The following TJP1 variants were observed in gnomAD, a reference collection of about 807,000 sequenced individuals.
TJP1 encodes tight junction protein 1.
Under a neutral mutation model 194.2 loss-of-function variants are expected in TJP1, and 43 were observed. That is an observed-to-expected ratio of 0.22 (90% CI 0.17 to 0.29). TJP1 has a LOEUF of 0.29. Among genes scored for constraint, TJP1 ranks in the 10% least tolerant of loss-of-function variants. TJP1 has a pLI of 1.00. For missense variants in TJP1, 1,971 were observed against 2,185.7 expected, an observed-to-expected ratio of 0.90 and a Z score of 1.96; for synonymous variants, 801 against 779.0, an observed-to-expected ratio of 1.03 and a Z score of -0.47.
intron 2 of TJP1, among the ~76,000 whole-genome samples, chr15:29,906,246 G>C (rs1219616479): frequency 6.6e-6 from 1 of 152,080 alleles, no homozygotes; most frequent in East Asian, 1.9e-4. Context: ...GCCGAGGTGG[G>C]TGGATCACTT....
chr15:29,923,882 C>T (rs1228744247), intron 2 of TJP1, among the ~76,000 whole-genome samples: 1 of 152,182 alleles, frequency 6.6e-6, no homozygotes, highest in Non-Finnish European at 1.5e-5. Flanking sequence ...ACCCCTGCCA[C>T]CTGAGTACCC....
At chr15:29,949,739 A>ACCACCACCT (rs1272059089) in intron 2 of TJP1, among the ~76,000 whole-genome samples, 3 of 100,490 alleles carry the variant, frequency 3.0e-5, no homozygotes, top group Non-Finnish European at 6.2e-5. Context: ...CACCTCCACC[A>ACCACCACCT]CCACCACCTC....
intron 2 of TJP1, among the ~76,000 whole-genome samples, chr15:29,780,282 A>G (rs939513853): frequency 1.3e-5 from 2 of 152,064 alleles, no homozygotes; most frequent in Non-Finnish European, 2.9e-5. Context: ...TTTTCCTGCA[A>G]CTAGATGGTC....
chr15:29,885,558 C>G (rs1716930282), intron 2 of TJP1, among the ~76,000 whole-genome samples: 1 of 152,232 alleles, frequency 6.6e-6, no homozygotes, highest in Non-Finnish European at 1.5e-5. Context: ...AACTGCCCTG[C>G]TAAGCTTTAA....
intron 23 of TJP1, among the ~76,000 whole-genome samples, chr15:29,714,749 G>C (rs2042456748): frequency 6.6e-6 from 1 of 151,152 alleles, no homozygotes; most frequent in South Asian, 2.1e-4. Flanking sequence ...CATCGTGTTA[G>C]CCAGGATGGT....
intron 24 of TJP1, among the ~76,000 whole-genome samples, chr15:29,709,713 C>A (rs1041322661): frequency 6.6e-6 from 1 of 152,186 alleles, no homozygotes. Flanking sequence ...AGGACATCTA[C>A]GAAAATCCTA....
chr15:29,833,857 GTATATATA>G (rs71416436), intron 2 of TJP1, among the ~76,000 whole-genome samples: 1,992 of 25,866 alleles, frequency 0.077, 206 homozygotes, highest in Middle Eastern at 0.16. Context: ...ATTTTTGTAA[GTATATATA>G]TATATATATA....
intron 2 of TJP1, among the ~76,000 whole-genome samples, chr15:29,940,968 G>A (rs1311976348): frequency 6.6e-6 from 1 of 152,058 alleles, no homozygotes; most frequent in Admixed American, 6.6e-5. Flanking sequence ...GATGGGGGAG[G>A]AAGAGAGCTG....
At position 29,800,534 on chromosome 15, in the gene TJP1, G is replaced by T. The variant is rs575388321; in HGVS notation, c.84+112C>A. On this transcript the variant is annotated intron_variant, in intron 2 of 27. Coordinates refer to ENST00000614355, the MANE Select transcript of TJP1 (RefSeq NM_001330239.4). ...CTCTAATTTTAAACAAAAGAATATA[G>T]AAAAAGTTTCCTCCTCCCTCTGGCT... is the stretch of plus-strand genomic sequence containing the variant. The T allele has an allele frequency of 6.2e-6, 6 of 974,564 alleles. No individual in the cohort carries two copies. The South Asian group carries it at 9.6e-5, about 16-fold the overall frequency. 60.4% of individuals were successfully genotyped at this position (974,564 alleles called of 1,614,324 possible).
intron 2 of TJP1, among the ~76,000 whole-genome samples, chr15:29,787,452 C>T (rs2047770255): frequency 6.6e-6 from 1 of 152,132 alleles, no homozygotes; most frequent in South Asian, 2.1e-4. Context: ...ACATTGGACC[C>T]CATCAAAATT....
chr15:29,742,249 TC>T (rs1436308501), intron 9 of TJP1, among the ~76,000 whole-genome samples: 1 of 150,250 alleles, frequency 6.7e-6, no homozygotes, highest in African/African-American at 2.5e-5. Flanking sequence ...AGACTCTGTC[TC>T]AAAAAAAAAA....
rs1351960099 is a variant in TJP1 at position 29,732,724 on chromosome 15, A to G, written c.1828T>C (p.Ser610Pro). The G allele has an allele frequency of 1.2e-6, 2 of 1,614,190 alleles. No homozygotes were observed. The highest frequency in any genetic ancestry group is 1.7e-6 in the Non-Finnish European group (2 of 1,180,034). Residue 610 changes from serine to proline, a missense_variant, in exon 14 of 28, where the codon TCC (serine) becomes CCC (proline). This residue lies in a region of TJP1 where 402 missense variants were observed against 484.2 expected (regional missense o/e 0.83). Coordinates refer to ENST00000614355, the MANE Select transcript of TJP1 (RefSeq NM_001330239.4). ...CTGCTTTTTCGAAGATTTCTCTTGG[A>G]GCTGCGAAGACCTCTGAATCTCCAG... The part of the protein sequence containing the change: ...DFWRFRGLRS[S>P]KRNLRKSRED...
intron 8 of TJP1, among the ~76,000 whole-genome samples, chr15:29,749,618 T>C (rs2045108553): frequency 6.6e-6 from 1 of 152,130 alleles, no homozygotes; most frequent in Non-Finnish European, 1.5e-5. Context: ...ACGGTTCTGT[T>C]GTGTGAAGTC....
chr15:29,814,518 A>C (rs2049765856), intron 1 of TJP1, among the ~76,000 whole-genome samples: 1 of 152,242 alleles, frequency 6.6e-6, no homozygotes. Context: ...GGTGATATTC[A>C]GTTACCAGAA....
chr15:29,899,996 T>G (rs571370775), intron 2 of TJP1, among the ~76,000 whole-genome samples: 13 of 152,046 alleles, frequency 8.6e-5, no homozygotes, highest in African/African-American at 2.7e-4. Flanking sequence ...ATAAAATGAA[T>G]GAGCAAAATG....
At chr15:29,821,504 G>C (rs1477039848) in intron 1 of TJP1, 1 of 152,124 alleles carries the variant, frequency 6.6e-6, no homozygotes, top group African/African-American at 2.4e-5. Flanking sequence ...AAGCCTTATC[G>C]CTGGCGTGCG....
At chr15:29,871,435 C>T (rs775886160) in intron 2 of TJP1, among the ~76,000 whole-genome samples, 25 of 152,206 alleles carry the variant, frequency 1.6e-4, no homozygotes, top group Non-Finnish European at 2.6e-4. Flanking sequence ...ATGATTTGCC[C>T]GTGTAGCCCC....
intron 8 of TJP1, among the ~76,000 whole-genome samples, chr15:29,747,498 T>C (rs901024940): frequency 3.3e-5 from 5 of 152,026 alleles, no homozygotes; most frequent in Non-Finnish European, 7.4e-5. Flanking sequence ...ATATTATAAA[T>C]ACAAAATTAT....
At chr15:29,871,741 C>T (rs751931260) in intron 2 of TJP1, among the ~76,000 whole-genome samples, 14 of 152,192 alleles carry the variant, frequency 9.2e-5, no homozygotes, top group South Asian at 6.2e-4. Flanking sequence ...AAGAGAGACC[C>T]GAGGGAGAAC....
Sources: gnomAD v4.1 joint callset for allele counts (sites outside exome capture counted in the v4.1 genomes callset) on GRCh38, gnomAD v4.1.1 for gene constraint, gnomAD v4.1.1 regional missense constraint, MANE v1.5 for transcripts, NCBI Gene and HGNC (gene_info 2026-07-23, HGNC 2026-07-21) for gene names.